The following ATP13A5 variants were observed in gnomAD, a reference collection of about 807,000 sequenced individuals.
ATP13A5 encodes ATPase 13A5.
Under a neutral mutation model 150.2 loss-of-function variants are expected in ATP13A5, and 149 were observed. That is an observed-to-expected ratio of 0.99 (90% confidence interval 0.87 to 1.14). The LOEUF is 1.14. Among genes scored for constraint, ATP13A5 ranks in the 50% most tolerant of loss-of-function variants. The pLI is 0.00. For missense variants in ATP13A5, 1,383 were observed against 1,449.3 expected, an observed-to-expected ratio of 0.95 and a Z score of 0.74; for synonymous variants, 497 against 522.2, an observed-to-expected ratio of 0.95 and a Z score of 0.66.
intron 1 of ATP13A5, among the ~76,000 whole-genome samples, chr3:193,376,818 C>G (rs112999659): frequency 6.6e-6 from 1 of 152,160 alleles, no homozygotes; most frequent in Admixed American, 6.5e-5. Context: ...TTCCACAGTT[C>G]GGTCACCCCA....
At chr3:193,370,044 G>C (rs909961376) in intron 1 of ATP13A5, among the ~76,000 whole-genome samples, 2 of 152,194 alleles carry the variant, frequency 1.3e-5, no homozygotes, top group African/African-American at 4.8e-5. Context: ...CCACCTGTTA[G>C]TTGAGTTGAA....
Position 193,311,368 on chromosome 3 carries a change from G to A in ATP13A5, c.2445+448C>T, listed in dbSNP as rs1465715336. 6.6e-5 allele frequency among the ~76,000 whole-genome samples: 10 copies of A among 152,172 alleles called. No individual in the cohort carries two copies. In the East Asian group the frequency reaches 1.7e-3, roughly 26 times the overall value. On this transcript the variant is annotated intron_variant, in intron 20 of 29. Transcript: ENST00000342358. ...CTATTTTAAAACAGGACACACAGAG[G>A]ACAAGATAACAAATGACTCTGAAAA... is the stretch of plus-strand genomic sequence containing the variant.
chr3:193,333,948 G>A (rs777247582), intron 10 of ATP13A5, 41 bp from the exon 11 acceptor site: 3 of 1,573,770 alleles, frequency 1.9e-6, no homozygotes, highest in Non-Finnish European at 2.6e-6. Flanking sequence ...GCTGCTTGAT[G>A]GACACTTGGT....
At position 193,331,155 on chromosome 3, in the gene ATP13A5, A is replaced by G. The variant is rs1462483105; in HGVS notation, c.1429T>C (p.Cys477Arg). The change falls in exon 12 of 30, where the codon TGT (cysteine) becomes CGT (arginine). Residue 477 changes from cysteine to arginine, a missense_variant. By Grantham distance (180) the Cys-to-Arg change is radical. Transcript: ENST00000342358. ...AAGCACACGAGGTTTATTTGCCCAC[A>G]CATGTTGATTCTCTGTGGGGAGATA... ...FCISPQRINM[C>R]GQINLVCFDK... is the part of the protein sequence containing the mutation. 3 of 1,613,878 alleles carry G rather than the reference A, an allele frequency of 1.9e-6. No homozygotes were observed. The highest frequency in any genetic ancestry group is 2.5e-6 in the Non-Finnish European group (3 of 1,179,880).
intron 17 of ATP13A5, among the ~76,000 whole-genome samples, chr3:193,317,301 A>G (rs1447156911): frequency 6.6e-6 from 1 of 152,190 alleles, no homozygotes; most frequent in Non-Finnish European, 1.5e-5. Flanking sequence ...AACTTACTTT[A>G]TATTTTCCCC....
At chr3:193,344,887 C>CG (rs778798238) in intron 8 of ATP13A5, 116 bp downstream of exon 8, 1 of 1,055,868 alleles carries the variant, frequency 9.5e-7, no homozygotes, top group Non-Finnish European at 1.4e-6. Context: ...ACCCTCGTCC[C>CG]AGTTCTGGGT....
intron 20 of ATP13A5, 56 bp from the exon 21 acceptor site, chr3:193,310,773 A>G: frequency 7.2e-7 from 1 of 1,386,664 alleles, no homozygotes; most frequent in East Asian, 2.3e-5. Flanking sequence ...ACTTTTAAAA[A>G]TAAAAGAACA....
intron 20 of ATP13A5, 47 bp from the exon 21 acceptor site, chr3:193,310,764 C>G (rs754394614): frequency 6.1e-6 from 9 of 1,477,702 alleles, no homozygotes; most frequent in Non-Finnish European, 5.5e-6. Flanking sequence ...AAGAAGAAAA[C>G]TTTTAAAAAT....
Position 193,331,152 on chromosome 3 carries a change from C to T in ATP13A5, c.1432G>A (p.Gly478Arg), listed in dbSNP as rs149638612. The T allele has an allele frequency of 5.0e-6, 8 of 1,613,946 alleles. No homozygotes were observed. The African/African-American group carries it at 9.3e-5, about 19-fold the overall frequency. Reference protein sequence around the residue: ...CISPQRINMCGQINLVCFDKT... With the variant: ...CISPQRINMCRQINLVCFDKT... Reference sequence around the variant, plus strand: ...TCAAAGCACACGAGGTTTATTTGCCCACACATGTTGATTCTCTGTGGGGAG... The same window carrying T: ...TCAAAGCACACGAGGTTTATTTGCCTACACATGTTGATTCTCTGTGGGGAG... The change falls in exon 12 of 30, where the codon GGG (glycine) becomes AGG (arginine). Residue 478 changes from glycine (G) to arginine (R), a missense_variant. This residue lies in a region of ATP13A5 where 787 missense variants were observed against 771.9 expected (regional missense o/e 1.02). Coordinates refer to ENST00000342358, the MANE Select transcript of ATP13A5 (RefSeq NM_198505.4).
At chr3:193,277,277 G>GA in intron 28 of ATP13A5, among the ~76,000 whole-genome samples, 1 of 152,210 alleles carries the variant, frequency 6.6e-6, no homozygotes, top group Non-Finnish European at 1.5e-5. Context: ...TTTTGATTGA[G>GA]ACTAGATGCA....
At chr3:193,376,714 A>C (rs1167315608) in intron 1 of ATP13A5, among the ~76,000 whole-genome samples, 3 of 152,134 alleles carry the variant, frequency 2.0e-5, no homozygotes, top group African/African-American at 4.8e-5. Flanking sequence ...ACCTTCTGAT[A>C]GGCCCCAGTA....
intron 23 of ATP13A5, among the ~76,000 whole-genome samples, chr3:193,303,038 C>G (rs1006265389): frequency 6.6e-6 from 1 of 152,150 alleles, no homozygotes; most frequent in African/African-American, 2.4e-5. Context: ...ATCTGAAGTT[C>G]GAATGCCACT....
chr3:193,275,354 G>A, intron 29 of ATP13A5, 52 bp from the exon 30 acceptor site: 1 of 1,589,410 alleles, frequency 6.3e-7, no homozygotes, highest in Non-Finnish European at 8.5e-7. Context: ...TCCCCCTGCA[G>A]CCAGGCCGCT....
rs753073040 is a variant in ATP13A5 at position 193,331,276 on chromosome 3, G to A, written c.1308C>T (p.Ile436=). The part of the protein sequence containing the change: ...PPKDTVTMAL[I]LLTVTVPPVL... ...CTGGAGGGACAGTCACGGTGAGGAG[G>A]ATCAGGGCCATGGTCACAGTATCTT... Residue 436 remains isoleucine (I), a synonymous_variant, in exon 12 of 30, where the codon ATC becomes ATT. Coordinates refer to ENST00000342358, the MANE Select transcript of ATP13A5 (RefSeq NM_198505.4). 1.2e-6 allele frequency: 2 copies of A among 1,613,876 alleles called. No homozygotes were observed. The highest frequency in any genetic ancestry group is 3.3e-5 in the Admixed American group (2 of 60,012).
At position 193,334,360 on chromosome 3, in the gene ATP13A5, G is replaced by A. The variant is rs143520041; in HGVS notation, c.1115-453C>T. ...AGACTGGGACTCAGGAAGTGTTTGCGGAATCATCCAGATTTGGTGCCACAT... is the reference window on the plus strand; with the variant it reads ...AGACTGGGACTCAGGAAGTGTTTGCAGAATCATCCAGATTTGGTGCCACAT... On this transcript the variant is annotated intron_variant, in intron 10 of 29. Coordinates refer to ENST00000342358, the MANE Select transcript of ATP13A5 (RefSeq NM_198505.4). 1.4e-3 allele frequency among the ~76,000 whole-genome samples: 213 copies of A among 152,250 alleles called. 2 individuals carry two copies. The highest frequency in any genetic ancestry group is 4.3e-3 in the African/African-American group (177 of 41,556).
At chr3:193,336,895 C>T (rs1343498502) in intron 9 of ATP13A5, among the ~76,000 whole-genome samples, 2 of 152,048 alleles carry the variant, frequency 1.3e-5, no homozygotes, top group Admixed American at 6.5e-5. Flanking sequence ...CTCTCCAGCA[C>T]CTGTTGTTTC....
Position 193,274,792 on chromosome 3 carries a change from T to C in ATP13A5, c.*250A>G. Reference sequence around the variant, plus strand: ...CTGCTCATTTTAAACAAAATAATGCTATGCAAAATGAATACAGTTTATTGA... The same window carrying C: ...CTGCTCATTTTAAACAAAATAATGCCATGCAAAATGAATACAGTTTATTGA... On this transcript the variant is annotated 3_prime_UTR_variant, in exon 30 of 30. Transcript: ENST00000342358. The C allele has an allele frequency of 3.7e-6, 2 of 546,250 alleles. No individual in the cohort carries two copies. The highest frequency in any genetic ancestry group is 3.2e-6 in the Non-Finnish European group (1 of 313,878). The allele number at this position is 546,250 out of a possible 1,614,324, so 33.8% of individuals were successfully genotyped here.
Position 193,333,868 on chromosome 3 carries a change from A to AGGAT in ATP13A5, c.1150_1153dup (p.Leu385HisfsTer103). ...TTTGAAGTTCAGAGGCCGGGGGTACAGGATGGATCTCACTAAGTCCCCTTT... is the reference window on the plus strand; with the variant it reads ...TTTGAAGTTCAGAGGCCGGGGGTACAGGATGGATGGATCTCACTAAGTCCCCTTT... On this transcript the variant is annotated frameshift_variant, in exon 11 of 30. Coordinates refer to ENST00000342358, the MANE Select transcript of ATP13A5 (RefSeq NM_198505.4). LOFTEE classifies it high-confidence loss of function. 1 of 1,613,960 alleles carries AGGAT rather than the reference A, an allele frequency of 6.2e-7. No homozygotes were observed. Among genetic ancestry groups the AGGAT allele is most frequent in the South Asian group, 1.1e-5 (1 of 91,078 alleles).
intron 1 of ATP13A5, among the ~76,000 whole-genome samples, chr3:193,371,623 T>C (rs1331520136): frequency 6.6e-6 from 1 of 152,198 alleles, no homozygotes; most frequent in Non-Finnish European, 1.5e-5. Context: ...CCCCATTCTC[T>C]TGCTGGTAGT....
Sources: gnomAD v4.1 joint callset for allele counts (sites outside exome capture counted in the v4.1 genomes callset) on GRCh38, gnomAD v4.1.1 for gene constraint, gnomAD v4.1.1 regional missense constraint, MANE v1.5 for transcripts, NCBI Gene and HGNC (gene_info 2026-07-23, HGNC 2026-07-21) for gene names.